Variants in PELO observed in about 807,000 individuals in gnomAD.
PELO encodes the protein protein pelota homolog.
PELO carries 19 observed loss-of-function variants against 25.9 expected under a neutral mutation model. That is an observed-to-expected ratio of 0.73 (90% CI 0.51 to 1.08). PELO has a LOEUF of 1.08. Among genes scored for constraint, PELO ranks in the 50% least tolerant of loss-of-function variants. The pLI is 0.00. For synonymous variants in PELO, 196 were observed against 192.2 expected, an observed-to-expected ratio of 1.02 and a Z score of -0.16; for missense variants, 498 against 491.4, an observed-to-expected ratio of 1.01 and a Z score of -0.13.
rs770216010 is a variant in PELO at position 52,800,951 on chromosome 5, A to G, written c.557A>G (p.Tyr186Cys). Residue 186 changes from tyrosine to cysteine, a missense_variant, in exon 2 of 3, where the codon TAT becomes TGT. Coordinates refer to ENST00000274311, the MANE Select transcript of PELO (RefSeq NM_015946.5). ...CATGACCGGGCCTTGGAGCGGTTCT[A>G]TGAACAGGTGGTCCAGGCTATCCAG... Reference protein sequence around the residue: ...SQHDRALERFYEQVVQAIQRH... With the variant: ...SQHDRALERFCEQVVQAIQRH... The G allele has an allele frequency of 2.2e-5, 35 of 1,614,092 alleles. No homozygotes were observed. The highest frequency in any genetic ancestry group is 8.9e-5 in the East Asian group (4 of 44,888).
chr5:52,801,618 C>T lies in PELO; in HGVS notation c.936C>T (p.Leu312=), dbSNP rs142889955. The T allele has an allele frequency of 5.0e-6, 8 of 1,613,828 alleles. No homozygotes were observed. Among genetic ancestry groups the T allele is most frequent in the African/African-American group, 4.0e-5 (3 of 74,916 alleles). ...ANEAMAIDTL[L]ISDELFRHQD... is the part of the protein sequence containing the mutation. ...AAGCCATGGCAATTGACACATTGCT[C>T]ATCAGCGATGAGCTCTTCAGGCATC... Residue 312 remains leucine (L), a synonymous_variant, in exon 3 of 3, where the codon CTC becomes CTT. Transcript: ENST00000274311.
At chr5:52,789,461 C>T (rs747339967) in intron 1 of PELO, among the ~76,000 whole-genome samples, 7 of 152,060 alleles carry the variant, frequency 4.6e-5, no homozygotes, top group Non-Finnish European at 1.0e-4. Context: ...CCTTAGATGG[C>T]CAAGCATTGT....
chr5:52,800,325 C>T lies in PELO; in HGVS notation c.-70C>T, dbSNP rs1748441741. ...CCCCTTCCTGGCCTGCATTCCCATC[C>T]CCTCTCCCGGGGCGGAGGTGAGGAC... On this transcript the variant is annotated 5_prime_UTR_variant, in exon 2 of 3. Coordinates refer to ENST00000274311, the MANE Select transcript of PELO (RefSeq NM_015946.5). 2 of 1,567,862 alleles carry T rather than the reference C, an allele frequency of 1.3e-6. No individual in the cohort carries two copies. Among genetic ancestry groups the T allele is most frequent in the Non-Finnish European group, 1.7e-6 (2 of 1,146,460 alleles).
At chr5:52,788,439 C>CATCT in intron 1 of PELO, 25 bp downstream of exon 1, 1 of 1,491,138 alleles carries the variant, frequency 6.7e-7, no homozygotes, top group Admixed American at 2.3e-5. Context: ...TTTCTCTGAG[C>CATCT]ATCTCCTGCT....
intron 1 of PELO, among the ~76,000 whole-genome samples, chr5:52,791,390 G>GA (rs1274943344): frequency 3.3e-5 from 5 of 152,178 alleles, no homozygotes; most frequent in Non-Finnish European, 7.3e-5. Flanking sequence ...CTAGTTATGG[G>GA]AGGGTGGCCA....
chr5:52,796,285 A>C (rs1748340203), intron 1 of PELO, among the ~76,000 whole-genome samples: 1 of 151,862 alleles, frequency 6.6e-6, no homozygotes, highest in Non-Finnish European at 1.5e-5. Context: ...AAGAGCAACA[A>C]ATTAAAAACT....
At position 52,801,605 on chromosome 5, in the gene PELO, T is replaced by G. The variant is rs552609052; in HGVS notation, c.923T>G (p.Ile308Ser). ...GAGAAGGCCAATGAAGCCATGGCAA[T>G]TGACACATTGCTCATCAGCGATGAG... is the stretch of plus-strand genomic sequence containing the variant. The part of the protein sequence containing the change: ...QVEKANEAMA[I>S]DTLLISDELF... The change falls in exon 3 of 3, where the codon ATT becomes AGT. Residue 308 changes from isoleucine to serine, a missense_variant. By Grantham distance (142) the Ile-to-Ser change is moderately radical (BLOSUM62 -2). Coordinates refer to ENST00000274311, the MANE Select transcript of PELO (RefSeq NM_015946.5). The G allele has an allele frequency of 6.2e-7, 1 of 1,614,090 alleles. No homozygotes were observed. The highest frequency in any genetic ancestry group is 1.7e-5 in the Admixed American group (1 of 60,020).
chr5:52,801,624 C>T lies in PELO; in HGVS notation c.942C>T (p.Ser314=). 1.2e-6 allele frequency: 2 copies of T among 1,612,674 alleles called. No homozygotes were observed. The highest frequency in any genetic ancestry group is 1.7e-6 in the Non-Finnish European group (2 of 1,178,678). ...TGGCAATTGACACATTGCTCATCAG[C>T]GATGAGCTCTTCAGGCATCAGGATG... is the stretch of plus-strand genomic sequence containing the variant. ...EAMAIDTLLI[S]DELFRHQDVA... The change falls in exon 3 of 3, where the codon AGC becomes AGT. Residue 314 remains serine, a synonymous_variant. Transcript: ENST00000274311.
Position 52,800,182 on chromosome 5 carries a change from C to T in PELO, c.-213C>T. The T allele has an allele frequency of 1.7e-6, 1 of 586,944 alleles. No individual in the cohort carries two copies. Among genetic ancestry groups the T allele is most frequent in the South Asian group, 2.0e-5 (1 of 50,210 alleles). 36.4% of individuals were successfully genotyped at this position (586,944 alleles called of 1,614,324 possible). ...CAGTGTTCCCCGAGCCTGTTAGACGCAGCGCGCCGGGAGACTGAGAGAGGA... is the reference window on the plus strand; with the variant it reads ...CAGTGTTCCCCGAGCCTGTTAGACGTAGCGCGCCGGGAGACTGAGAGAGGA... On this transcript the variant is annotated 5_prime_UTR_variant, in exon 2 of 3. Coordinates refer to ENST00000274311, the MANE Select transcript of PELO (RefSeq NM_015946.5).
rs1499280 is a variant in PELO at position 52,801,055 on chromosome 5, C to G, written c.661C>G (p.Leu221Val). 3 of 1,613,666 alleles carry G rather than the reference C, an allele frequency of 1.9e-6. No homozygotes were observed. Among genetic ancestry groups the G allele is most frequent in the Admixed American group, 1.7e-5 (1 of 59,964 alleles). The change falls in exon 2 of 3, where the codon CTG becomes GTG. Residue 221 changes from leucine to valine, a missense_variant. Transcript: ENST00000274311. ...TGTGAGGGAGCAGTTCTGCGACTACCTGTTTCAACAAGCAGTGAAGACCGA... is the reference window on the plus strand; with the variant it reads ...TGTGAGGGAGCAGTTCTGCGACTACGTGTTTCAACAAGCAGTGAAGACCGA... The part of the protein sequence containing the change: ...GFVREQFCDY[L>V]FQQAVKTDNK...
At chr5:52,796,051 A>G (rs1748335920) in intron 1 of PELO, among the ~76,000 whole-genome samples, 1 of 152,022 alleles carries the variant, frequency 6.6e-6, no homozygotes, top group Admixed American at 6.5e-5. Flanking sequence ...GGATGAGATT[A>G]TAGGTGTTGT....
At position 52,790,772 on chromosome 5, in the gene PELO, CAT is replaced by C. The variant is rs576132191; in HGVS notation, c.-511+2361_-511+2362del. 2.5e-4 allele frequency among the ~76,000 whole-genome samples: 38 copies of C among 152,310 alleles called. 1 individual carries two copies. In the South Asian group the frequency reaches 7.9e-3, roughly 32 times the overall value. On this transcript the variant is annotated intron_variant, in intron 1 of 2. Transcript: ENST00000274311. The stretch of plus-strand genomic sequence containing the variant: ...AAGTCCCTTTTACCATCTAAGATAA[CAT>C]ATTCACAGGTTCCAGGCATTAGGTC...
Position 52,800,479 on chromosome 5 carries a change from A to T in PELO, c.85A>T (p.Thr29Ser). 6.2e-7 allele frequency: 1 copy of T among 1,614,044 alleles called. No individual in the cohort carries two copies. The highest frequency in any genetic ancestry group is 8.5e-7 in the Non-Finnish European group (1 of 1,180,020). The part of the protein sequence containing the change: ...VPEEPEDMWH[T>S]YNLVQVGDSL... ...CGAGGAGCCTGAGGACATGTGGCAC[A>T]CTTACAACCTCGTGCAGGTGGGCGA... Residue 29 changes from threonine to serine, a missense_variant, in exon 2 of 3, where the codon ACT (threonine) becomes TCT (serine). Physicochemically the swap from Thr to Ser is moderately conservative, Grantham distance 58. Coordinates refer to ENST00000274311, the MANE Select transcript of PELO (RefSeq NM_015946.5).
Position 52,801,538 on chromosome 5 carries a change from C to A in PELO, c.856C>A (p.Gln286Lys), listed in dbSNP as rs1430338391. Residue 286 changes from glutamine (Q) to lysine (K), a missense_variant, in exon 3 of 3, where the codon CAG (glutamine) becomes AAG (lysine). Physicochemically the swap from Gln to Lys is moderately conservative, Grantham distance 53. Transcript: ENST00000274311. ...KALDDFYKMLQHEPDRAFYGL... is the reference protein window; with the variant it reads ...KALDDFYKMLKHEPDRAFYGL... ...CTTGGATGACTTCTATAAAATGTTA[C>A]AGCATGAACCGGATCGAGCTTTCTA... The A allele has an allele frequency of 6.2e-7, 1 of 1,614,058 alleles. No homozygotes were observed. Among genetic ancestry groups the A allele is most frequent in the African/African-American group, 1.3e-5 (1 of 74,932 alleles).
chr5:52,798,108 T>G (rs1163986912), intron 1 of PELO, among the ~76,000 whole-genome samples: 3 of 147,114 alleles, frequency 2.0e-5, no homozygotes, highest in Non-Finnish European at 4.6e-5. Context: ...AACAAGATAC[T>G]TTTTTTAAAA....
chr5:52,798,466 TC>T (rs1190064171), intron 1 of PELO, among the ~76,000 whole-genome samples: 1 of 152,108 alleles, frequency 6.6e-6, no homozygotes, highest in Non-Finnish European at 1.5e-5. Context: ...TTGAGACAAG[TC>T]TCAATCATTT....
intron 2 of PELO, 67 bp from the exon 3 acceptor site, chr5:52,801,342 C>T: frequency 2.2e-6 from 3 of 1,387,362 alleles, no homozygotes; most frequent in Non-Finnish European, 3.0e-6. Context: ...GGCTTTAAGC[C>T]TTTGTGAGCT....
chr5:52,800,376 G>C lies in PELO; in HGVS notation c.-19G>C. 6.2e-7 allele frequency: 1 copy of C among 1,613,320 alleles called. No homozygotes were observed. Among genetic ancestry groups the C allele is most frequent in the African/African-American group, 1.3e-5 (1 of 75,060 alleles). The stretch of plus-strand genomic sequence containing the variant: ...CTCCTTGGTTCCTTTGGTTCTGTCA[G>C]TGAGCCCCTTCCTTGGCCATGAAGC... On this transcript the variant is annotated 5_prime_UTR_variant, in exon 2 of 3. Coordinates refer to ENST00000274311, the MANE Select transcript of PELO (RefSeq NM_015946.5).
chr5:52,793,696 T>G (rs1193668700), intron 1 of PELO, among the ~76,000 whole-genome samples: 1 of 152,026 alleles, frequency 6.6e-6, no homozygotes, highest in South Asian at 2.1e-4. Flanking sequence ...GATATAACAT[T>G]GTTCCTCTCA....
Sources: gnomAD v4.1 joint callset for allele counts (sites outside exome capture counted in the v4.1 genomes callset) on GRCh38, gnomAD v4.1.1 for gene constraint, MANE v1.5 for transcripts, NCBI Gene and HGNC (gene_info 2026-07-23, HGNC 2026-07-21) for gene names.